The following DARS2 variants were observed in gnomAD, a reference collection of about 807,000 sequenced individuals.
DARS2 encodes the protein aspartyl-tRNA synthetase 2, mitochondrial.
In DARS2, 63 loss-of-function variants were observed where a neutral mutation model predicts 83.0. The ratio of observed to expected loss-of-function variants is 0.76; its 90% CI spans 0.62 to 0.94. DARS2 has a LOEUF of 0.94. Ranked by LOEUF, DARS2 falls within the 40% of genes least tolerant of loss-of-function variation. The probability of loss-of-function intolerance (pLI) is 0.00; values close to 1 mark genes in which losing one functional copy is unlikely to be tolerated. For missense variants in DARS2, 675 were observed against 774.4 expected, an observed-to-expected ratio of 0.87 and a Z score of 1.52; for synonymous variants, 250 against 269.3, an observed-to-expected ratio of 0.93 and a Z score of 0.70.
intron 11 of DARS2, among the ~76,000 whole-genome samples, chr1:173,841,719 A>G (rs1271486398): frequency 1.3e-5 from 2 of 152,168 alleles, no homozygotes; most frequent in African/African-American, 4.8e-5. Flanking sequence ...GGATCACTTG[A>G]GGCAAAGTGT....
intron 2 of DARS2, 105 bp from the exon 3 acceptor site, chr1:173,828,228 T>G: frequency 1.8e-6 from 2 of 1,122,776 alleles, no homozygotes; most frequent in Non-Finnish European, 2.6e-6. Context: ...AAAAGAAACA[T>G]GAAAAATTGC....
chr1:173,856,696 C>T lies in DARS2; in HGVS notation c.1705C>T (p.Gln569Ter). 1 of 1,613,966 alleles carries T rather than the reference C, an allele frequency of 6.2e-7. No homozygotes were observed. The highest frequency in any genetic ancestry group is 2.2e-5 in the East Asian group (1 of 44,864). Residue 569 changes from glutamine (Q) to a stop codon, truncating the protein, a stop_gained, in exon 16 of 17, where the codon CAG (glutamine) becomes TAG (stop). Coordinates refer to ENST00000649689, the MANE Select transcript of DARS2 (RefSeq NM_018122.5). LOFTEE classifies it high-confidence loss of function. ...TGTGAAAATGCTCTCCCATCTGCTC[C>T]AGGCTTTAGATTATGGGGCACCCCC... is the stretch of plus-strand genomic sequence containing the variant. ...EDVKMLSHLLQALDYGAPPHG... is the reference protein window; with the variant it reads ...EDVKMLSHLL
chr1:173,849,427 G>A (rs1653562062), intron 12 of DARS2, among the ~76,000 whole-genome samples: 2 of 151,744 alleles, frequency 1.3e-5, no homozygotes, highest in Non-Finnish European at 1.5e-5. Flanking sequence ...CCAGCGACTA[G>A]GGAGGCTGAG....
At chr1:173,832,158 A>G (rs1321654445) in intron 5 of DARS2, among the ~76,000 whole-genome samples, 2 of 152,202 alleles carry the variant, frequency 1.3e-5, no homozygotes, top group South Asian at 2.1e-4. Flanking sequence ...ATAGACTTAT[A>G]TATTCCTAAT....
At chr1:173,841,324 C>A (rs182027039) in intron 11 of DARS2, among the ~76,000 whole-genome samples, 1 of 151,482 alleles carries the variant, frequency 6.6e-6, no homozygotes, top group Non-Finnish European at 1.5e-5. Flanking sequence ...TTGCAGTGAG[C>A]TGAGATCATA....
chr1:173,857,005 C>T (rs1653880568), intron 16 of DARS2, among the ~76,000 whole-genome samples: 1 of 152,154 alleles, frequency 6.6e-6, no homozygotes, highest in African/African-American at 2.4e-5. Context: ...ATCCCCATGG[C>T]CTCACATACG....
Position 173,850,341 on chromosome 1 carries a change from A to T in DARS2, c.1206A>T (p.Val402=). Reference sequence around the variant, plus strand: ...CTTTTACACAGGAAATCTTACCTGTATTCCTTAACGCCAATAGAAACTGGA... The same window carrying T: ...CTTTTACACAGGAAATCTTACCTGTTTTCCTTAACGCCAATAGAAACTGGA... ...ADHFNQEILP[V]FLNANRNWNS... Residue 402 remains valine, a synonymous_variant, in exon 13 of 17, where the codon GTA becomes GTT. Transcript: ENST00000649689. 6.2e-7 allele frequency: 1 copy of T among 1,611,680 alleles called. No homozygotes were observed. The highest frequency in any genetic ancestry group is 8.5e-7 in the Non-Finnish European group (1 of 1,178,940).
chr1:173,850,880 C>T (rs1005332057), intron 13 of DARS2, among the ~76,000 whole-genome samples: 3 of 151,952 alleles, frequency 2.0e-5, no homozygotes, highest in East Asian at 2.0e-4. Context: ...GCTAGGATTA[C>T]AGGCGTGAGC....
chr1:173,825,005 G>T lies in DARS2; in HGVS notation c.-225G>T, dbSNP rs1652415901. The T allele has an allele frequency of 1.5e-5, 7 of 481,748 alleles. No individual in the cohort carries two copies. Among genetic ancestry groups the T allele is most frequent in the African/African-American group, 1.2e-4 (6 of 50,324 alleles). 29.8% of individuals were successfully genotyped at this position (481,748 alleles called of 1,614,324 possible). A position where few individuals can be genotyped will look rare whatever the true frequency, so the allele number is the denominator to read the frequency against. The stretch of plus-strand genomic sequence containing the variant: ...CTGATGCTTTAAGACTCAGGGAGAG[G>T]TCTTTCCCTTATCTCCACCCCAGCA... On this transcript the variant is annotated 5_prime_UTR_variant, in exon 1 of 17. Coordinates refer to ENST00000649689, the MANE Select transcript of DARS2 (RefSeq NM_018122.5).
intron 3 of DARS2, among the ~76,000 whole-genome samples, chr1:173,829,302 G>A (rs1652704709): frequency 6.6e-6 from 1 of 151,960 alleles, no homozygotes; most frequent in African/African-American, 2.4e-5. Context: ...AGGTGCTGCT[G>A]GGGGAAGGAA....
chr1:173,847,844 C>CTTTTTTTTTTTTTTT (rs1160841148), intron 12 of DARS2, among the ~76,000 whole-genome samples: 1 of 78,616 alleles, frequency 1.3e-5, no homozygotes, highest in Non-Finnish European at 2.2e-5. Flanking sequence ...CTTTCTGAAC[C>CTTTTTTTTTTTTTTT]TTTTTTTTTT....
rs758577733 is a variant in DARS2, at chr1:173,838,260, G to A, written c.840+1G>A. 6.2e-7 allele frequency: 1 copy of A among 1,611,446 alleles called. No homozygotes were observed. The highest frequency in any genetic ancestry group is 8.5e-7 in the Non-Finnish European group (1 of 1,177,694). The stretch of plus-strand genomic sequence containing the variant: ...AGACAGACAGCCTGAGTTTACTCAG[G>A]TACAAAGTTATATTCACTTGTTTCT... On this transcript the variant is annotated splice_donor_variant, in intron 9 of 16. Coordinates refer to ENST00000649689, the MANE Select transcript of DARS2 (RefSeq NM_018122.5). LOFTEE classifies it high-confidence loss of function.
chr1:173,843,697 G>A (rs1653317557), intron 11 of DARS2, among the ~76,000 whole-genome samples: 1 of 152,198 alleles, frequency 6.6e-6, no homozygotes, highest in South Asian at 2.1e-4. Flanking sequence ...GTCCTCTGGG[G>A]AAGGTAAAGT....
Position 173,826,689 on chromosome 1 carries a change from T to C in DARS2, c.130T>C (p.Phe44Leu), listed in dbSNP as rs1359549727. The change falls in exon 2 of 17, where the codon TTC (phenylalanine) becomes CTC (leucine). Residue 44 changes from phenylalanine (F) to leucine (L), a missense_variant and splice_region_variant. Coordinates refer to ENST00000649689, the MANE Select transcript of DARS2 (RefSeq NM_018122.5). ...LQSSQRRIPE[F>L]SSFVVRTNTC... ...TCTTTTTTTTTTTTTTTTTAAAGAA[T>C]TCAGTAGCTTTGTTGTCCGGACCAA... The C allele has an allele frequency of 3.8e-6, 6 of 1,585,144 alleles. No homozygotes were observed. The highest frequency in any genetic ancestry group is 5.2e-6 in the Non-Finnish European group (6 of 1,159,314).
chr1:173,853,906 G>A lies in DARS2; in HGVS notation c.1674+1G>A. ...TTATATCCTGGCAACCTTACTAAAGGTAACAAACATCATCTGCTATCCTGG... is the reference window on the plus strand; with the variant it reads ...TTATATCCTGGCAACCTTACTAAAGATAACAAACATCATCTGCTATCCTGG... On this transcript the variant is annotated splice_donor_variant, in intron 15 of 16. Transcript: ENST00000649689. LOFTEE classifies it high-confidence loss of function. The A allele has an allele frequency of 6.2e-7, 1 of 1,609,444 alleles. No individual in the cohort carries two copies. Among genetic ancestry groups the A allele is most frequent in the Non-Finnish European group, 8.5e-7 (1 of 1,175,750 alleles).
intron 11 of DARS2, among the ~76,000 whole-genome samples, chr1:173,841,451 T>G (rs185011284): frequency 5.3e-4 from 80 of 152,308 alleles, no homozygotes; most frequent in African/African-American, 1.6e-3. Flanking sequence ...ACAATAAAAT[T>G]TTATGAATGT....
intron 4 of DARS2, among the ~76,000 whole-genome samples, chr1:173,831,255 C>T (rs1652788134): frequency 6.6e-6 from 1 of 151,332 alleles, no homozygotes; most frequent in African/African-American, 2.4e-5. Flanking sequence ...CAGTATTACC[C>T]AGGCTGGTCT....
chr1:173,853,753 C>T, intron 14 of DARS2, 42 bp from the exon 15 acceptor site: 1 of 1,575,360 alleles, frequency 6.3e-7, no homozygotes, highest in South Asian at 1.1e-5. Flanking sequence ...GAACAGAAAA[C>T]CAGACATTTT....
chr1:173,852,422 ACAGT>A (rs1257768395), intron 13 of DARS2: 4 of 227,708 alleles, frequency 1.8e-5, no homozygotes, highest in Non-Finnish European at 2.2e-5. Context: ...AATTTTGCTC[ACAGT>A]CACACAGCTA....
Sources: gnomAD v4.1 joint callset for allele counts (sites outside exome capture counted in the v4.1 genomes callset) on GRCh38, gnomAD v4.1.1 for gene constraint, MANE v1.5 for transcripts, NCBI Gene and HGNC (gene_info 2026-07-23, HGNC 2026-07-21) for gene names.